The following TNR variants were observed in gnomAD, a reference collection of about 807,000 sequenced individuals.
The protein encoded by TNR is tenascin-R.
In TNR, 45 loss-of-function variants were observed where a neutral mutation model predicts 150.4. That is an observed-to-expected ratio of 0.30 (90% confidence interval 0.24 to 0.38). The LOEUF (loss-of-function observed/expected upper bound fraction) is 0.38, where lower values mean the gene tolerates loss of function less well. Ranked by LOEUF, TNR falls within the 10% of genes least tolerant of loss-of-function variation. The pLI is 1.00. For synonymous variants in TNR, 687 were observed against 678.4 expected (o/e 1.01, Z -0.20); for missense variants, 1,544 against 1,759.1 (o/e 0.88, Z 2.19).
At chr1:175,467,175 A>C (rs1356307824) in intron 2 of TNR, among the ~76,000 whole-genome samples, 1 of 152,154 alleles carries the variant, frequency 6.6e-6, no homozygotes, top group Non-Finnish European at 1.5e-5. Flanking sequence ...AGTGCCCTAG[A>C]GTCCTGCACT....
At chr1:175,420,212 T>C (rs1457694964) in intron 2 of TNR, among the ~76,000 whole-genome samples, 1 of 152,168 alleles carries the variant, frequency 6.6e-6, no homozygotes, top group African/African-American at 2.4e-5. Flanking sequence ...GTTCCCTCAC[T>C]GACCAACCCG....
rs1491457290 is a variant in TNR at position 175,417,076 on chromosome 1, A to AAAGAAATAAATC, written c.-63-10300_-63-10299insGATTTATTTCTT. ...GAAAGAAAGAAAGAAAGAAAGAAAG[A>AAAGAAATAAATC]AATCTAAGAAGTGGTCTCTTCCCTC... On this transcript the variant is annotated intron_variant, in intron 2 of 22. Transcript: ENST00000367674. Among the ~76,000 whole-genome samples the AAAGAAATAAATC allele has an allele frequency of 1.4e-4, 16 of 113,778 alleles. No homozygotes were observed. The East Asian group carries it at 1.9e-3, about 14-fold the overall frequency. The allele number at this position is 113,778 out of a possible 152,430, so 74.6% of individuals were successfully genotyped here.
rs148972582 is a variant in TNR, at chr1:175,666,127, C to G, written c.-165+77099G>C. Among the ~76,000 whole-genome samples, 231 of 152,188 alleles carry G rather than the reference C, an allele frequency of 1.5e-3. 3 individuals carry two copies. The highest frequency in any genetic ancestry group is 5.3e-3 in the African/African-American group (222 of 41,524). Reference sequence around the variant, plus strand: ...TGACTAAACTCAAACGTCATATAACCCTGAAAGGTAAGTATTATTTATTGT... The same window carrying G: ...TGACTAAACTCAAACGTCATATAACGCTGAAAGGTAAGTATTATTTATTGT... On this transcript the variant is annotated intron_variant, in intron 1 of 22. Transcript: ENST00000367674.
intron 2 of TNR, among the ~76,000 whole-genome samples, chr1:175,451,337 A>G (rs2102093441): frequency 6.6e-6 from 1 of 152,140 alleles, no homozygotes; most frequent in East Asian, 1.9e-4. Context: ...CGTCATTTAC[A>G]TTAGGCATAT....
intron 2 of TNR, among the ~76,000 whole-genome samples, chr1:175,500,719 C>G (rs1033332902): frequency 6.6e-6 from 1 of 152,160 alleles, no homozygotes; most frequent in Non-Finnish European, 1.5e-5. Flanking sequence ...GCAGCATGCC[C>G]TAAAAAAGCC....
intron 2 of TNR, among the ~76,000 whole-genome samples, chr1:175,503,346 T>C (rs962917690): frequency 1.3e-4 from 20 of 152,242 alleles, no homozygotes; most frequent in Middle Eastern, 3.2e-3. Flanking sequence ...TGGATTGTAA[T>C]AGCACTATTC....
chr1:175,323,211 C>T lies in TNR; in HGVS notation c.*146G>A. 1 of 1,053,882 alleles carries T rather than the reference C, an allele frequency of 9.5e-7. No homozygotes were observed. The highest frequency in any genetic ancestry group is 1.3e-6 in the Non-Finnish European group (1 of 755,446). The allele number at this position is 1,053,882 out of a possible 1,614,324, so 65.3% of individuals were successfully genotyped here. On this transcript the variant is annotated 3_prime_UTR_variant, in exon 23 of 23. Transcript: ENST00000367674. ...AGCAGAAACCAAGAGCAGATGTTAGCCAGCGGATTCCTGCGACATCCCTGC... is the reference window on the plus strand; with the variant it reads ...AGCAGAAACCAAGAGCAGATGTTAGTCAGCGGATTCCTGCGACATCCCTGC...
chr1:175,366,249 C>A, intron 10 of TNR, 111 bp from the exon 11 acceptor site: 1 of 1,176,532 alleles, frequency 8.5e-7, no homozygotes, highest in Non-Finnish European at 1.2e-6. Context: ...ACTATGAGCA[C>A]TAGCTTGTCA....
chr1:175,702,001 G>C (rs1351454304), intron 1 of TNR, among the ~76,000 whole-genome samples: 2 of 152,170 alleles, frequency 1.3e-5, no homozygotes, highest in African/African-American at 2.4e-5. Context: ...TAACACAATA[G>C]ATGCTGAATC....
At chr1:175,353,143 A>G (rs960234436) in intron 18 of TNR, among the ~76,000 whole-genome samples, 2 of 151,842 alleles carry the variant, frequency 1.3e-5, no homozygotes, top group Admixed American at 6.6e-5. Flanking sequence ...GTAGAGAGGC[A>G]CAGTGGGAGG....
At chr1:175,328,514 T>C (rs980937379) in intron 21 of TNR, among the ~76,000 whole-genome samples, 5 of 152,204 alleles carry the variant, frequency 3.3e-5, no homozygotes, top group African/African-American at 1.2e-4. Context: ...AGAAACCTTC[T>C]GATCTAGAAA....
At chr1:175,325,137 A>G (rs1571286200) in intron 21 of TNR, among the ~76,000 whole-genome samples, 1 of 152,342 alleles carries the variant, frequency 6.6e-6, no homozygotes, top group East Asian at 1.9e-4. Context: ...AGAGGGAGAC[A>G]TGGCCTGTGA....
intron 1 of TNR, among the ~76,000 whole-genome samples, chr1:175,708,835 T>C (rs1389796227): frequency 6.6e-6 from 1 of 152,130 alleles, no homozygotes; most frequent in Non-Finnish European, 1.5e-5. Context: ...TCTACTTGCA[T>C]TTTCAATTGT....
intron 1 of TNR, among the ~76,000 whole-genome samples, chr1:175,586,694 A>G (rs1288473622): frequency 6.6e-6 from 1 of 152,198 alleles, no homozygotes; most frequent in African/African-American, 2.4e-5. Context: ...CTATGGAGAA[A>G]AAAGTGGCCA....
chr1:175,736,390 C>T (rs925644923), intron 1 of TNR, among the ~76,000 whole-genome samples: 2 of 151,892 alleles, frequency 1.3e-5, no homozygotes, highest in East Asian at 1.9e-4. Context: ...GCGTGGTGGC[C>T]GGTGCCTGTA....
chr1:175,550,408 T>C (rs1252997905), intron 1 of TNR, among the ~76,000 whole-genome samples: 2 of 152,184 alleles, frequency 1.3e-5, no homozygotes, highest in Admixed American at 6.5e-5. Context: ...TGAGGACATC[T>C]GTCACAAAGA....
chr1:175,649,890 C>G (rs1222452902), intron 1 of TNR, among the ~76,000 whole-genome samples: 1 of 152,202 alleles, frequency 6.6e-6, no homozygotes, highest in Non-Finnish European at 1.5e-5. Context: ...CATATCTTTG[C>G]AAGTGATGTT....
chr1:175,735,408 C>T (rs1667746500), intron 1 of TNR, among the ~76,000 whole-genome samples: 1 of 152,170 alleles, frequency 6.6e-6, no homozygotes, highest in Non-Finnish European at 1.5e-5. Flanking sequence ...TCACAGGGGA[C>T]ATCATGAGGT....
intron 1 of TNR, among the ~76,000 whole-genome samples, chr1:175,684,937 A>G (rs1666144644): frequency 6.6e-6 from 1 of 151,988 alleles, no homozygotes; most frequent in Admixed American, 6.6e-5. Context: ...ACTTTGGGAA[A>G]CCCCAAATCA....
Sources: allele counts gnomAD v4.1 joint callset (sites outside exome capture counted in the v4.1 genomes callset), GRCh38; gene constraint gnomAD v4.1.1; transcripts MANE v1.5; gene names NCBI Gene and HGNC (gene_info 2026-07-23, HGNC 2026-07-21).